NHSL1: variants seen among roughly 807,000 people sequenced by gnomAD.
NHSL1 encodes NHS like 1.
A neutral mutation model predicts 95.0 loss-of-function variants in NHSL1; 48 were observed. The ratio of observed to expected loss-of-function variants is 0.51; its 90% CI spans 0.40 to 0.64. NHSL1 has a LOEUF of 0.64. NHSL1 is among the 30% of genes least tolerant of loss of function. The pLI is 0.00. For missense variants in NHSL1, 1,971 were observed against 2,077.7 expected, an observed-to-expected ratio of 0.95 and a Z score of 1.00; for synonymous variants, 783 against 833.9, an observed-to-expected ratio of 0.94 and a Z score of 1.05.
chr6:138,455,031 G>A (rs932919311), intron 3 of NHSL1, among the ~76,000 whole-genome samples: 4 of 152,226 alleles, frequency 2.6e-5, no homozygotes, highest in African/African-American at 9.7e-5. Flanking sequence ...AAACTGGAAT[G>A]GGTCATTGGA....
At chr6:138,566,554 CTTTTT>C (rs1170115308) in intron 1 of NHSL1, among the ~76,000 whole-genome samples, 1 of 151,534 alleles carries the variant, frequency 6.6e-6, no homozygotes, top group East Asian at 1.9e-4. Flanking sequence ...TAAGTTGCTT[CTTTTT>C]ATCACTCTTA....
chr6:138,434,375 G>A (rs1042639744), intron 5 of NHSL1, among the ~76,000 whole-genome samples: 2 of 151,142 alleles, frequency 1.3e-5, no homozygotes, highest in African/African-American at 4.9e-5. Flanking sequence ...TGATTTATTC[G>A]TTGGAGTTTT....
intron 1 of NHSL1, among the ~76,000 whole-genome samples, chr6:138,536,352 A>G (rs1033425797): frequency 6.6e-6 from 1 of 152,192 alleles, no homozygotes; most frequent in African/African-American, 2.4e-5. Context: ...TGCCATACCA[A>G]CCAACATTGA....
At chr6:138,607,615 A>G (rs184577498) in intron 1 of NHSL1, among the ~76,000 whole-genome samples, 2 of 152,204 alleles carry the variant, frequency 1.3e-5, no homozygotes, top group African/African-American at 4.8e-5. Context: ...TTCTAGAAAA[A>G]CAAGTTGTGG....
At chr6:138,663,491 C>G (rs1006745373) in intron 1 of NHSL1, among the ~76,000 whole-genome samples, 1 of 146,962 alleles carries the variant, frequency 6.8e-6, no homozygotes, top group Admixed American at 7.0e-5. Flanking sequence ...ACCCGGGGGG[C>G]AGACGTTGTG....
At chr6:138,439,662 T>C (rs530663905) in intron 5 of NHSL1, among the ~76,000 whole-genome samples, 2 of 152,364 alleles carry the variant, frequency 1.3e-5, no homozygotes, top group South Asian at 4.1e-4. Flanking sequence ...ATCTTTTTTG[T>C]TTTAAAAAAA....
chr6:138,530,154 A>T (rs940027833), intron 1 of NHSL1, among the ~76,000 whole-genome samples: 3 of 152,226 alleles, frequency 2.0e-5, no homozygotes, highest in African/African-American at 7.2e-5. Flanking sequence ...TGATTAGGTC[A>T]TCAGAGTGGA....
chr6:138,645,311 C>T (rs1400854739), intron 1 of NHSL1, among the ~76,000 whole-genome samples: 2 of 152,146 alleles, frequency 1.3e-5, no homozygotes, highest in African/African-American at 4.8e-5. Flanking sequence ...GCCTTTCCCT[C>T]AACCACAAAG....
At chr6:138,492,684 T>C (rs1463241159) in intron 2 of NHSL1, among the ~76,000 whole-genome samples, 1 of 152,246 alleles carries the variant, frequency 6.6e-6, no homozygotes, top group East Asian at 1.9e-4. Flanking sequence ...ATACTCGCTG[T>C]GTCGTTTCCC....
chr6:138,525,284 G>T (rs780135263), intron 1 of NHSL1, among the ~76,000 whole-genome samples: 2 of 152,120 alleles, frequency 1.3e-5, no homozygotes, highest in African/African-American at 4.8e-5. Flanking sequence ...CCAGCACTTT[G>T]GGAAGCCAAA....
chr6:138,655,160 A>G (rs1785140884), intron 1 of NHSL1, among the ~76,000 whole-genome samples: 2 of 152,184 alleles, frequency 1.3e-5, no homozygotes, highest in Admixed American at 6.5e-5. Flanking sequence ...TCCTTGACTC[A>G]TAAAGTCCCT....
chr6:138,648,530 G>C (rs1489760092), intron 1 of NHSL1, among the ~76,000 whole-genome samples: 1 of 152,104 alleles, frequency 6.6e-6, no homozygotes, highest in Non-Finnish European at 1.5e-5. Flanking sequence ...TGTAGTCCTA[G>C]GGCCTCTCTC....
intron 3 of NHSL1, among the ~76,000 whole-genome samples, chr6:138,454,457 G>A (rs1562286527): frequency 6.6e-6 from 1 of 152,108 alleles, no homozygotes; most frequent in Admixed American, 6.5e-5. Flanking sequence ...GAATGGTTAG[G>A]AGGAAAGGAC....
intron 1 of NHSL1, among the ~76,000 whole-genome samples, chr6:138,585,596 G>A (rs936864073): frequency 1.3e-5 from 2 of 151,566 alleles, no homozygotes; most frequent in Non-Finnish European, 2.9e-5. Context: ...TCTCTCTTAT[G>A]TTCCATCCTA....
intron 1 of NHSL1, among the ~76,000 whole-genome samples, chr6:138,556,047 G>A (rs1783185095): frequency 6.6e-6 from 1 of 151,612 alleles, no homozygotes; most frequent in African/African-American, 2.4e-5. Flanking sequence ...ACTCTACTTG[G>A]ATCCCTTCAC....
At chr6:138,426,825 C>T (rs1400322157) in intron 7 of NHSL1, among the ~76,000 whole-genome samples, 1 of 152,182 alleles carries the variant, frequency 6.6e-6, no homozygotes, top group Non-Finnish European at 1.5e-5. Context: ...GCCTACCATA[C>T]AGGTTTCATG....
intron 1 of NHSL1, among the ~76,000 whole-genome samples, chr6:138,529,176 A>G (rs974808990): frequency 6.6e-6 from 1 of 152,168 alleles, no homozygotes; most frequent in African/African-American, 2.4e-5. Flanking sequence ...TGGGTCAACT[A>G]TGATGTTCCA....
chr6:138,446,760 T>C, intron 4 of NHSL1: 1 of 515,928 alleles, frequency 1.9e-6, no homozygotes, highest in Non-Finnish European at 3.4e-6. Context: ...GATGAATGGT[T>C]GGACCACTGA....
At chr6:138,628,832 A>G (rs1200986744) in intron 1 of NHSL1, among the ~76,000 whole-genome samples, 1 of 152,262 alleles carries the variant, frequency 6.6e-6, no homozygotes, top group Admixed American at 6.5e-5. Flanking sequence ...CACGCTTGTT[A>G]GCAGAAATGC....
Sources: gnomAD v4.1 joint callset for allele counts (sites outside exome capture counted in the v4.1 genomes callset) on GRCh38, gnomAD v4.1.1 for gene constraint, MANE v1.5 for transcripts, NCBI Gene and HGNC (gene_info 2026-07-23, HGNC 2026-07-21) for gene names.